Variants in URB1 observed in about 807,000 individuals in gnomAD.
URB1 encodes URB1 ribosome biogenesis factor.
In URB1, 197 loss-of-function variants were observed where a neutral mutation model predicts 242.3. The ratio of observed to expected loss-of-function variants is 0.81; its 90% CI spans 0.72 to 0.91. The LOEUF is 0.91. URB1 is among the 40% of genes least tolerant of loss of function. The probability of loss-of-function intolerance (pLI) is 0.00; values close to 1 mark genes in which losing one functional copy is unlikely to be tolerated. For missense variants in URB1, 2,721 were observed against 2,860.5 expected, an observed-to-expected ratio of 0.95 and a Z score of 1.11; for synonymous variants, 1,153 against 1,201.8, an observed-to-expected ratio of 0.96 and a Z score of 0.84.
chr21:32,317,375 CTGCACT>C (rs2032704525), intron 37 of URB1, among the ~76,000 whole-genome samples: 2 of 152,330 alleles, frequency 1.3e-5, no homozygotes, highest in South Asian at 4.1e-4. Flanking sequence ...TTCCTTAACC[CTGCACT>C]ACAGGAGGAG....
At position 32,354,874 on chromosome 21, in the gene URB1, T is replaced by G; in HGVS notation, c.2230A>C (p.Ile744Leu). 1 of 1,552,348 alleles carries G rather than the reference T, an allele frequency of 6.4e-7. No individual in the cohort carries two copies. Among genetic ancestry groups the G allele is most frequent in the Non-Finnish European group, 8.7e-7 (1 of 1,147,112 alleles). Residue 744 changes from isoleucine to leucine, a missense_variant, in exon 17 of 39, where the codon ATC becomes CTC. By Grantham distance (5) the Ile-to-Leu change is conservative. Coordinates refer to ENST00000382751, the MANE Select transcript of URB1 (RefSeq NM_014825.3). Reference protein sequence around the residue: ...KQEADDMSIPISHIDDVLDMV... With the variant: ...KQEADDMSIPLSHIDDVLDMV... ...TGGAACATACCGTCAATGTGGGAGA[T>G]GGGAATGCTCATGTCATCGGCTTCT...
Position 32,378,545 on chromosome 21 carries a change from G to A in URB1, c.568-4C>T, listed in dbSNP as rs144503282. On this transcript the variant is annotated splice_polypyrimidine_tract_variant and splice_region_variant and intron_variant, in intron 4 of 38. Coordinates refer to ENST00000382751, the MANE Select transcript of URB1 (RefSeq NM_014825.3). Reference sequence around the variant, plus strand: ...CCTGCCGAACGTCGTACACTCCCTAGAGGACAAAGGAGACCTACATGTCAC... The same window carrying A: ...CCTGCCGAACGTCGTACACTCCCTAAAGGACAAAGGAGACCTACATGTCAC... The A allele has an allele frequency of 1.7e-4, 267 of 1,550,768 alleles. 1 individual carries two copies. In the East Asian group the frequency reaches 5.9e-3, roughly 34 times the overall value.
At position 32,393,005 on chromosome 21, in the gene URB1, T is replaced by C. The variant is rs1248295621; in HGVS notation, c.-95A>G. On this transcript the variant is annotated 5_prime_UTR_variant, in exon 1 of 39. The change abolishes an upstream ATG in the 5' untranslated region. Transcript: ENST00000382751. ...AGCAGACACGCGCTTCAGGCCCACA[T>C]GGCGCAGGAAGAGGCGGGGCTGGCG... The C allele has an allele frequency of 6.5e-6, 9 of 1,377,674 alleles. No individual in the cohort carries two copies. Among genetic ancestry groups the C allele is most frequent in the South Asian group, 4.7e-5 (3 of 63,984 alleles). The allele number at this position is 1,377,674 out of a possible 1,614,324, so 85.3% of individuals were successfully genotyped here.
chr21:32,320,138 C>A (rs1049619304), intron 35 of URB1, among the ~76,000 whole-genome samples: 2 of 152,248 alleles, frequency 1.3e-5, no homozygotes, highest in Non-Finnish European at 2.9e-5. Flanking sequence ...ACCGGCCTTC[C>A]TGCAAGAGGG....
chr21:32,317,626 G>A (rs1337463598), intron 37 of URB1, 50 bp downstream of exon 37: 1 of 1,542,092 alleles, frequency 6.5e-7, no homozygotes, highest in Admixed American at 2.0e-5. Flanking sequence ...CGGACAGGGT[G>A]AGAGAGACAT....
chr21:32,376,955 G>C (rs1236564988), intron 5 of URB1, among the ~76,000 whole-genome samples: 1 of 152,004 alleles, frequency 6.6e-6, no homozygotes, highest in African/African-American at 2.4e-5. Flanking sequence ...AGCCACGACG[G>C]CCAGCCTCCA....
At chr21:32,384,113 C>A (rs1568834148) in intron 3 of URB1, among the ~76,000 whole-genome samples, 200 bp downstream of exon 3, 1 of 152,112 alleles carries the variant, frequency 6.6e-6, no homozygotes, top group Non-Finnish European at 1.5e-5. Flanking sequence ...ACAAGAGGGA[C>A]AAGGGGTAAG....
chr21:32,375,342 T>C, intron 6 of URB1, 56 bp downstream of exon 6: 2 of 1,126,438 alleles, frequency 1.8e-6, no homozygotes, highest in South Asian at 1.6e-5. Context: ...CACCGGAGAA[T>C]ATCTCCATTC....
chr21:32,340,989 T>C (rs931794546), intron 25 of URB1, among the ~76,000 whole-genome samples: 2 of 150,234 alleles, frequency 1.3e-5, no homozygotes, highest in African/African-American at 2.5e-5. Context: ...AAAGGATGTA[T>C]AAAGAATGAT....
In URB1 at chr21:32,392,949, G is replaced by A. The variant is rs1321640731; in HGVS notation, c.-39C>T. The A allele has an allele frequency of 1.4e-6, 2 of 1,464,048 alleles. No individual in the cohort carries two copies. The highest frequency in any genetic ancestry group is 9.0e-7 in the Non-Finnish European group (1 of 1,107,902). The allele number at this position is 1,464,048 out of a possible 1,614,324, so 90.7% of individuals were successfully genotyped here. On this transcript the variant is annotated 5_prime_UTR_variant, in exon 1 of 39. Transcript: ENST00000382751. The stretch of plus-strand genomic sequence containing the variant: ...GAAGCGCGACGGAAACGACACACCT[G>A]AGGGGACCCGGCAGGAGCACTGGCA...
intron 36 of URB1, 25 bp downstream of exon 36, chr21:32,319,192 C>A: frequency 6.5e-7 from 1 of 1,530,384 alleles, no homozygotes. Context: ...GCCAGAAGGG[C>A]CCCCCTGGCG....
In URB1 at chr21:32,311,889, A is replaced by G; in HGVS notation, c.*3029T>C. 2 of 1,613,870 alleles carry G rather than the reference A, an allele frequency of 1.2e-6. No individual in the cohort carries two copies. The highest frequency in any genetic ancestry group is 1.6e-4 in the Middle Eastern group (1 of 6,062). On this transcript the variant is annotated 3_prime_UTR_variant, in exon 39 of 39. Transcript: ENST00000382751. Reference sequence around the variant, plus strand: ...CACCTTGCCCCTCGGGGGTTTCCAGACCCACCCCACTCTCCTCTGGGAACT... The same window carrying G: ...CACCTTGCCCCTCGGGGGTTTCCAGGCCCACCCCACTCTCCTCTGGGAACT...
chr21:32,381,925 C>T (rs1021953095), intron 4 of URB1, among the ~76,000 whole-genome samples: 5 of 152,206 alleles, frequency 3.3e-5, no homozygotes, highest in Non-Finnish European at 7.3e-5. Flanking sequence ...TGTAATGTCT[C>T]AACTCCATTT....
Position 32,317,005 on chromosome 21 carries a change from CGGCCCCGTGGGCCTTT to C in URB1, c.6079_6094del (p.Lys2027GlufsTer16). 3.9e-6 allele frequency: 6 copies of C among 1,551,518 alleles called. No individual in the cohort carries two copies. The highest frequency in any genetic ancestry group is 5.2e-6 in the Non-Finnish European group (6 of 1,146,932). On this transcript the variant is annotated frameshift_variant, in exon 38 of 39. Transcript: ENST00000382751. LOFTEE classifies it high-confidence loss of function. The stretch of plus-strand genomic sequence containing the variant: ...CTCTGCCTCCCCAGGCCTCCTCTTT[CGGCCCCGTGGGCCTTT>C]GGCTCGGGCTGGCATGACAGGCTTG...
rs2033575661 is a variant in URB1 at position 32,385,628 on chromosome 21, C to T, written c.199G>A (p.Val67Ile). ...GAAATCTTTATATACCCTTCCACAA[C>T]ATCATACACATCTTCTCGTGGTAGC... ...KKLPREDVYDVVEGYIKISVE... is the reference protein window; with the variant it reads ...KKLPREDVYDIVEGYIKISVE... Residue 67 changes from valine (V) to isoleucine (I), a missense_variant, in exon 2 of 39, where the codon GTT becomes ATT. Physicochemically the swap from Val to Ile is conservative, Grantham distance 29. Transcript: ENST00000382751. 1 of 1,551,660 alleles carries T rather than the reference C, an allele frequency of 6.4e-7. No individual in the cohort carries two copies. The highest frequency in any genetic ancestry group is 1.4e-5 in the African/African-American group (1 of 73,008).
At chr21:32,345,187 A>C (rs1302701925) in intron 23 of URB1, among the ~76,000 whole-genome samples, 187 bp downstream of exon 23, 3 of 152,228 alleles carry the variant, frequency 2.0e-5, no homozygotes, top group African/African-American at 7.2e-5. Flanking sequence ...AACCCGACCC[A>C]GCCATCTACT....
At chr21:32,325,782 C>T (rs1329582694) in intron 30 of URB1, among the ~76,000 whole-genome samples, 1 of 152,170 alleles carries the variant, frequency 6.6e-6, no homozygotes, top group African/African-American at 2.4e-5. Flanking sequence ...CTTGCTCAGC[C>T]CTCCACCGCG....
chr21:32,387,065 C>A (rs1175986223), intron 1 of URB1, among the ~76,000 whole-genome samples: 1 of 152,076 alleles, frequency 6.6e-6, no homozygotes, highest in Non-Finnish European at 1.5e-5. Context: ...AGGAGGGCAC[C>A]CCACTAGAGT....
intron 17 of URB1, 24 bp from the exon 18 acceptor site, chr21:32,354,127 A>G (rs1183209911): frequency 1.3e-6 from 2 of 1,551,138 alleles, no homozygotes; most frequent in Admixed American, 2.0e-5. Flanking sequence ...AGGAGAATCC[A>G]GCTGATGTGA....
Sources: allele counts gnomAD v4.1 joint callset (sites outside exome capture counted in the v4.1 genomes callset), GRCh38; gene constraint gnomAD v4.1.1; transcripts MANE v1.5; gene names NCBI Gene and HGNC (gene_info 2026-07-23, HGNC 2026-07-21).